RCAN1: variants seen among roughly 807,000 people sequenced by gnomAD.
RCAN1 encodes the protein calcipressin-1.
Under a neutral mutation model 22.9 loss-of-function variants are expected in RCAN1, and 11 were observed. The ratio of observed to expected loss-of-function variants is 0.48; its 90% confidence interval spans 0.30 to 0.79. The LOEUF is 0.79. Ranked by LOEUF, RCAN1 falls within the 30% of genes least tolerant of loss-of-function variation. The pLI, the probability that RCAN1 is intolerant of heterozygous loss-of-function variation, is 0.06. For synonymous variants in RCAN1, 136 were observed against 142.3 expected (o/e 0.96, Z 0.32); for missense variants, 291 against 337.8 (o/e 0.86, Z 1.09).
At chr21:34,548,052 G>A (rs1181527394) in intron 1 of RCAN1, among the ~76,000 whole-genome samples, 1 of 152,114 alleles carries the variant, frequency 6.6e-6, no homozygotes. Context: ...AACCATGCTG[G>A]CAGCCTAACC....
chr21:34,575,965 G>A (rs1987401276), intron 1 of RCAN1, among the ~76,000 whole-genome samples: 1 of 152,120 alleles, frequency 6.6e-6, no homozygotes, highest in African/African-American at 2.4e-5. Flanking sequence ...CTAGAGTCTG[G>A]GTTCCTTCCA....
intron 1 of RCAN1, among the ~76,000 whole-genome samples, chr21:34,539,638 A>T (rs959784185): frequency 6.6e-6 from 1 of 152,226 alleles, no homozygotes; most frequent in African/African-American, 2.4e-5. Flanking sequence ...TAACAGACAC[A>T]ATATGTAAGG....
At chr21:34,521,688 T>C in intron 2 of RCAN1, 30 bp from the exon 3 acceptor site, 1 of 1,576,758 alleles carries the variant, frequency 6.3e-7, no homozygotes, top group Non-Finnish European at 8.6e-7. Context: ...ACAGGTCAGT[T>C]GTTGCCAGGG....
At chr21:34,580,524 C>T (rs1054875716) in intron 1 of RCAN1, among the ~76,000 whole-genome samples, 6 of 152,344 alleles carry the variant, frequency 3.9e-5, no homozygotes, top group Admixed American at 6.5e-5. Flanking sequence ...TCACGTCCTC[C>T]GGGTTTCAGG....
At chr21:34,547,585 C>A (rs4817677) in intron 1 of RCAN1, among the ~76,000 whole-genome samples, 1,650 of 152,218 alleles carry the variant, frequency 0.011, 61 homozygotes, top group East Asian at 0.11. Flanking sequence ...AACTTAATTG[C>A]CATTTTAACA....
intron 1 of RCAN1, among the ~76,000 whole-genome samples, chr21:34,574,677 A>G (rs1470984648): frequency 1.3e-5 from 2 of 152,282 alleles, no homozygotes; most frequent in African/African-American, 4.8e-5. Flanking sequence ...AATGCCATTC[A>G]AGAAAGTCAG....
At chr21:34,568,315 C>G (rs1350115398) in intron 1 of RCAN1, among the ~76,000 whole-genome samples, 1 of 152,160 alleles carries the variant, frequency 6.6e-6, no homozygotes, top group Non-Finnish European at 1.5e-5. Context: ...CAAATCTCCC[C>G]CCTGCCTCCC....
Position 34,614,863 on chromosome 21 carries a change from C to A in RCAN1, c.149G>T (p.Ser50Ile). Reference sequence around the variant, plus strand: ...CTCCTCCATCTCGCAGTCAATGAAGCTCCAGTCGCCGCCGCCCTCGTCCGC... The same window carrying A: ...CTCCTCCATCTCGCAGTCAATGAAGATCCAGTCGCCGCCGCCCTCGTCCGC... ...AEADEGGGDW[S>I]FIDCEMEEVD... is the part of the protein sequence containing the mutation. The change falls in exon 1 of 4, where the codon AGC becomes ATC. Residue 50 changes from serine to isoleucine, a missense_variant. By Grantham distance (142) the Ser-to-Ile change is moderately radical (BLOSUM62 -2). Coordinates refer to ENST00000313806, the MANE Select transcript of RCAN1 (RefSeq NM_004414.7). The surrounding 1 kb of genome is among the most constrained non-coding windows in gnomAD (Gnocchi z 6.0). The A allele has an allele frequency of 6.8e-7, 1 of 1,468,780 alleles. No individual in the cohort carries two copies. The highest frequency in any genetic ancestry group is 3.0e-5 in the East Asian group (1 of 32,946). 91.0% of individuals were successfully genotyped at this position (1,468,780 alleles called of 1,614,324 possible).
intron 1 of RCAN1, among the ~76,000 whole-genome samples, chr21:34,537,459 G>A (rs1024892212): frequency 6.6e-6 from 1 of 152,188 alleles, no homozygotes; most frequent in Non-Finnish European, 1.5e-5. Context: ...TCTTTTTGGT[G>A]GTGGTGGCCC....
chr21:34,548,027 C>G (rs917565901), intron 1 of RCAN1, among the ~76,000 whole-genome samples: 7 of 152,140 alleles, frequency 4.6e-5, no homozygotes, highest in Non-Finnish European at 1.0e-4. Flanking sequence ...AGGAGGAGAG[C>G]CCTCACCAGG....
chr21:34,532,996 TG>T (rs1985479995), intron 1 of RCAN1, among the ~76,000 whole-genome samples: 1 of 148,442 alleles, frequency 6.7e-6, no homozygotes, highest in Non-Finnish European at 1.5e-5. Context: ...AGTCTTGCTC[TG>T]TCGCCCAGGC....
chr21:34,578,250 A>G (rs1987479239), intron 1 of RCAN1, among the ~76,000 whole-genome samples: 1 of 152,116 alleles, frequency 6.6e-6, no homozygotes, highest in Non-Finnish European at 1.5e-5. Context: ...TCACCTGCAA[A>G]TATATAGCTT....
intron 1 of RCAN1, among the ~76,000 whole-genome samples, chr21:34,564,286 G>A (rs957856816): frequency 6.6e-6 from 1 of 152,152 alleles, no homozygotes; most frequent in Non-Finnish European, 1.5e-5. Context: ...GATTTCGGGT[G>A]GGGACACAGC....
chr21:34,556,933 G>A (rs939264356), intron 1 of RCAN1, among the ~76,000 whole-genome samples: 3 of 152,224 alleles, frequency 2.0e-5, no homozygotes, highest in Non-Finnish European at 4.4e-5. Flanking sequence ...GCTGTAAAAG[G>A]CTGGGCATGG....
intron 1 of RCAN1, among the ~76,000 whole-genome samples, chr21:34,575,583 T>A (rs1424035471): frequency 1.3e-5 from 2 of 152,182 alleles, no homozygotes; most frequent in African/African-American, 4.8e-5. Flanking sequence ...AGTGCAGTGT[T>A]ACGATCATGG....
intron 1 of RCAN1, among the ~76,000 whole-genome samples, chr21:34,582,101 C>A (rs957860496): frequency 2.6e-5 from 4 of 152,156 alleles, no homozygotes; most frequent in Non-Finnish European, 2.9e-5. Flanking sequence ...ATGCTCATTA[C>A]CAAAGGCAGT....
intron 1 of RCAN1, among the ~76,000 whole-genome samples, chr21:34,584,905 T>G (rs1987738200): frequency 6.6e-6 from 1 of 152,214 alleles, no homozygotes; most frequent in African/African-American, 2.4e-5. Context: ...TGTAAATCTG[T>G]GGCATTAGAA....
intron 2 of RCAN1, chr21:34,522,033 C>G (rs1407738129): frequency 1.7e-5 from 3 of 174,120 alleles, no homozygotes; most frequent in African/African-American, 7.2e-5. Flanking sequence ...CTCCTCATAC[C>G]ACAGAGGCAA....
At chr21:34,524,938 A>G in intron 1 of RCAN1, 1 of 1,346,622 alleles carries the variant, frequency 7.4e-7, no homozygotes, top group Non-Finnish European at 9.9e-7. Flanking sequence ...ATGGGCTTCT[A>G]GTCGCCGGGT....
Sources: gnomAD v4.1 joint callset for allele counts (sites outside exome capture counted in the v4.1 genomes callset) on GRCh38, gnomAD v4.1.1 for gene constraint, Gnocchi (gnomAD v3.1) non-coding constraint, MANE v1.5 for transcripts, NCBI Gene and HGNC (gene_info 2026-07-23, HGNC 2026-07-21) for gene names.